The following LRRC4C variants were observed in gnomAD, a reference collection of about 807,000 sequenced individuals.
The protein encoded by LRRC4C is leucine rich repeat containing 4C.
A neutral mutation model predicts 33.6 loss-of-function variants in LRRC4C; 5 were observed. The observed-to-expected ratio is 0.15, with a 90% CI of 0.08 to 0.31. The LOEUF is 0.31. Ranked by LOEUF, LRRC4C falls within the 10% of genes least tolerant of loss-of-function variation. The pLI, the probability that LRRC4C is intolerant of heterozygous loss-of-function variation, is 1.00. For missense variants in LRRC4C, 560 were observed against 796.7 expected (o/e 0.70, Z 3.58); for synonymous variants, 329 against 302.0 (o/e 1.09, Z -0.93).
At chr11:40,443,027 C>G (rs189219638) in intron 3 of LRRC4C, among the ~76,000 whole-genome samples, 9 of 152,152 alleles carry the variant, frequency 5.9e-5, no homozygotes, top group Admixed American at 4.6e-4. Context: ...CAAAGTTATC[C>G]CACTGGAAAT....
intron 5 of LRRC4C, among the ~76,000 whole-genome samples, chr11:40,233,415 A>G (rs552360829): frequency 6.6e-6 from 1 of 152,344 alleles, no homozygotes; most frequent in African/African-American, 2.4e-5. Flanking sequence ...CCAAAACAAT[A>G]TATGCTCTCT....
At chr11:40,846,433 G>C (rs545879980) in intron 2 of LRRC4C, among the ~76,000 whole-genome samples, 4 of 152,042 alleles carry the variant, frequency 2.6e-5, no homozygotes, top group Non-Finnish European at 5.9e-5. Flanking sequence ...TATTAAATAG[G>C]GAAGATTTCC....
chr11:40,736,791 G>T (rs1947888168), intron 2 of LRRC4C, among the ~76,000 whole-genome samples: 1 of 151,010 alleles, frequency 6.6e-6, no homozygotes, highest in South Asian at 2.1e-4. Flanking sequence ...TCATATGTTT[G>T]TTGGCCACAT....
At chr11:41,233,597 A>G (rs1189592773) in intron 1 of LRRC4C, among the ~76,000 whole-genome samples, 1 of 152,066 alleles carries the variant, frequency 6.6e-6, no homozygotes, top group Non-Finnish European at 1.5e-5. Flanking sequence ...TTACATGGCT[A>G]ATAGGGGAAA....
chr11:41,284,262 T>C (rs2136954736), intron 1 of LRRC4C, among the ~76,000 whole-genome samples: 1 of 152,356 alleles, frequency 6.6e-6, no homozygotes, highest in Non-Finnish European at 1.5e-5. Flanking sequence ...AGATAGAGAC[T>C]GCTATAACTA....
At chr11:40,690,266 A>C (rs1945165540) in intron 2 of LRRC4C, among the ~76,000 whole-genome samples, 1 of 152,154 alleles carries the variant, frequency 6.6e-6, no homozygotes, top group Admixed American at 6.6e-5. Context: ...AGATACCACT[A>C]GAATCTCCAT....
chr11:40,353,977 C>T, intron 3 of LRRC4C, among the ~76,000 whole-genome samples: 1 of 152,066 alleles, frequency 6.6e-6, no homozygotes, highest in Non-Finnish European at 1.5e-5. Context: ...GGGCCTGTTT[C>T]TACCCATCTG....
intron 1 of LRRC4C, among the ~76,000 whole-genome samples, chr11:41,339,511 C>A: frequency 6.6e-6 from 1 of 152,134 alleles, no homozygotes. Context: ...CTTTTAGAAG[C>A]TAGAAACTAG....
chr11:41,439,329 G>A (rs1955539037), intron 1 of LRRC4C, among the ~76,000 whole-genome samples: 1 of 152,070 alleles, frequency 6.6e-6, no homozygotes, highest in Admixed American at 6.6e-5. Flanking sequence ...GAATAATGCT[G>A]CAATATACAT....
intron 3 of LRRC4C, among the ~76,000 whole-genome samples, chr11:40,610,566 A>G (rs1433789411): frequency 6.6e-6 from 1 of 151,816 alleles, no homozygotes; most frequent in African/African-American, 2.4e-5. Context: ...GTTCAAATAA[A>G]AAAAAAGATC....
chr11:40,306,680 T>C (rs1945047123), intron 4 of LRRC4C, among the ~76,000 whole-genome samples: 1 of 152,220 alleles, frequency 6.6e-6, no homozygotes, highest in Non-Finnish European at 1.5e-5. Flanking sequence ...GTGCTTACTC[T>C]GTGTCAGGCA....
chr11:40,495,986 C>T (rs866475912), intron 3 of LRRC4C, among the ~76,000 whole-genome samples: 3 of 151,760 alleles, frequency 2.0e-5, no homozygotes, highest in South Asian at 2.1e-4. Context: ...AGTGCCACCA[C>T]GCCCGGCTAA....
intron 5 of LRRC4C, among the ~76,000 whole-genome samples, chr11:40,144,815 C>T (rs1857610008): frequency 1.3e-5 from 2 of 152,122 alleles, no homozygotes; most frequent in Non-Finnish European, 2.9e-5. Flanking sequence ...TAGTGATCTC[C>T]CTATTACATG....
At chr11:40,480,692 A>G (rs1252973938) in intron 3 of LRRC4C, among the ~76,000 whole-genome samples, 1 of 152,160 alleles carries the variant, frequency 6.6e-6, no homozygotes, top group Admixed American at 6.6e-5. Flanking sequence ...ATATATATGT[A>G]TATATACACG....
At chr11:40,813,606 T>A (rs1951583235) in intron 2 of LRRC4C, among the ~76,000 whole-genome samples, 1 of 152,134 alleles carries the variant, frequency 6.6e-6, no homozygotes, top group South Asian at 2.1e-4. Context: ...AAACCAATCA[T>A]GCCTTCCCAA....
At chr11:40,119,145 G>A (rs1855644852) in intron 6 of LRRC4C, among the ~76,000 whole-genome samples, 1 of 152,140 alleles carries the variant, frequency 6.6e-6, no homozygotes, top group Admixed American at 6.5e-5. Flanking sequence ...TAGAGAAGAG[G>A]CTTTTTTCCC....
intron 2 of LRRC4C, among the ~76,000 whole-genome samples, chr11:40,811,252 A>G (rs1951475731): frequency 6.6e-6 from 1 of 152,192 alleles, no homozygotes; most frequent in Non-Finnish European, 1.5e-5. Context: ...TATCTAAAGT[A>G]CTAATCACTA....
At chr11:41,320,017 T>C (rs1369788251) in intron 1 of LRRC4C, among the ~76,000 whole-genome samples, 2 of 152,128 alleles carry the variant, frequency 1.3e-5, no homozygotes, top group African/African-American at 4.8e-5. Context: ...TCAATACAAA[T>C]AGAGGGGGGC....
chr11:41,417,139 T>G (rs887205039), intron 1 of LRRC4C, among the ~76,000 whole-genome samples: 1 of 152,042 alleles, frequency 6.6e-6, no homozygotes, highest in Non-Finnish European at 1.5e-5. Context: ...TGTGAGGAAA[T>G]GCCATCAATA....
Sources: gnomAD v4.1 joint callset for allele counts (sites outside exome capture counted in the v4.1 genomes callset) on GRCh38, gnomAD v4.1.1 for gene constraint, MANE v1.5 for transcripts, NCBI Gene and HGNC (gene_info 2026-07-23, HGNC 2026-07-21) for gene names.